The following KCNMA1 variants were observed in gnomAD, a reference collection of about 807,000 sequenced individuals.
KCNMA1 encodes the protein potassium calcium-activated channel subfamily M alpha 1.
Under a neutral mutation model 140.0 loss-of-function variants are expected in KCNMA1, and 29 were observed. That is an observed-to-expected ratio of 0.21 (90% CI 0.15 to 0.28). KCNMA1 has a LOEUF of 0.28. Among genes scored for constraint, KCNMA1 ranks in the 10% least tolerant of loss-of-function variants. KCNMA1 has a pLI of 1.00. For synonymous variants in KCNMA1, 612 were observed against 611.9 expected (o/e 1.00, Z 0.00); for missense variants, 880 against 1,602.2 (o/e 0.55, Z 7.70).
At chr10:77,065,468 T>C (rs989759985) in intron 14 of KCNMA1, among the ~76,000 whole-genome samples, 1 of 152,226 alleles carries the variant, frequency 6.6e-6, no homozygotes, top group African/African-American at 2.4e-5. Flanking sequence ...AGAACTTGTA[T>C]GAGCTTAGTT....
At chr10:77,443,124 A>G (rs2097444887) in intron 1 of KCNMA1, among the ~76,000 whole-genome samples, 3 of 152,226 alleles carry the variant, frequency 2.0e-5, no homozygotes, top group Admixed American at 6.5e-5. Flanking sequence ...GAAAAAGCCC[A>G]TGGGGGCCAC....
chr10:77,253,856 A>G (rs558099080), intron 2 of KCNMA1, among the ~76,000 whole-genome samples: 1 of 152,264 alleles, frequency 6.6e-6, no homozygotes, highest in East Asian at 1.9e-4. Flanking sequence ...GAAACTTGCT[A>G]AATGCCTCTT....
chr10:77,159,154 C>T (rs982608111), intron 5 of KCNMA1, among the ~76,000 whole-genome samples: 4 of 152,140 alleles, frequency 2.6e-5, no homozygotes, highest in African/African-American at 9.7e-5. Flanking sequence ...ATTTTAGATG[C>T]TGCCATAAAC....
intron 3 of KCNMA1, among the ~76,000 whole-genome samples, chr10:77,188,724 T>A (rs1282895635): frequency 1.3e-5 from 2 of 152,168 alleles, no homozygotes; most frequent in Middle Eastern, 3.2e-3. Flanking sequence ...TACTTAGTCA[T>A]AGAATTTTCA....
At chr10:77,587,414 AAC>A (rs1398901408) in intron 1 of KCNMA1, among the ~76,000 whole-genome samples, 1 of 152,180 alleles carries the variant, frequency 6.6e-6, no homozygotes, top group Non-Finnish European at 1.5e-5. Context: ...ATACAAGCTA[AAC>A]CCTTTTCTAC....
chr10:77,109,233 T>C (rs2097262792), intron 8 of KCNMA1, among the ~76,000 whole-genome samples: 1 of 152,094 alleles, frequency 6.6e-6, no homozygotes. Context: ...TAGAAATGCT[T>C]GCGTGAATGT....
chr10:76,949,103 A>G (rs1351779674), intron 22 of KCNMA1, 39 bp downstream of exon 22: 1 of 1,442,340 alleles, frequency 6.9e-7, no homozygotes, highest in African/African-American at 1.4e-5. Flanking sequence ...TTGTGAATGA[A>G]AAGAAGAAAA....
chr10:76,989,550 C>T (rs545993577), intron 19 of KCNMA1, among the ~76,000 whole-genome samples: 1 of 152,252 alleles, frequency 6.6e-6, no homozygotes, highest in East Asian at 1.9e-4. Context: ...TCATTTTACA[C>T]ACAAATTTTG....
intron 23 of KCNMA1, among the ~76,000 whole-genome samples, chr10:76,941,018 G>GAAAGAAAGAAAGAAAGA (rs2061877247): frequency 5.2e-4 from 20 of 38,258 alleles, no homozygotes; most frequent in Middle Eastern, 0.01. Context: ...AGGAAGGAAG[G>GAAAGAAAGAAAGAAAGA]AAGAAAGAAA....
intron 2 of KCNMA1, among the ~76,000 whole-genome samples, chr10:77,373,250 TGA>T (rs1566362935): frequency 6.6e-6 from 1 of 152,188 alleles, no homozygotes; most frequent in African/African-American, 2.4e-5. Flanking sequence ...TAGATTTGTA[TGA>T]GTCACAATTT....
chr10:77,025,242 G>GTGTGTATATATATATATA (rs1436772387), intron 16 of KCNMA1, among the ~76,000 whole-genome samples: 2 of 42,768 alleles, frequency 4.7e-5, no homozygotes, highest in African/African-American at 7.6e-5. Context: ...GGGTGTGTGT[G>GTGTGTATATATATATATA]TATATATATA....
chr10:77,531,216 G>T (rs1379221224), intron 1 of KCNMA1, among the ~76,000 whole-genome samples: 3 of 152,214 alleles, frequency 2.0e-5, no homozygotes, highest in African/African-American at 7.2e-5. Context: ...CTTGTCTACA[G>T]CAGATGGGGG....
At chr10:77,461,776 T>C (rs1198311198) in intron 1 of KCNMA1, among the ~76,000 whole-genome samples, 1 of 152,214 alleles carries the variant, frequency 6.6e-6, no homozygotes, top group African/African-American at 2.4e-5. Flanking sequence ...TGACCCTGTG[T>C]GCTTTGTCTT....
chr10:77,636,477 C>A, intron 1 of KCNMA1: 1 of 1,536,194 alleles, frequency 6.5e-7, no homozygotes, highest in Non-Finnish European at 8.7e-7. Context: ...TCCAGCTCCG[C>A]GCTGCTGGTG....
At chr10:77,088,954 G>A (rs1665746335) in intron 10 of KCNMA1, among the ~76,000 whole-genome samples, 1 of 152,164 alleles carries the variant, frequency 6.6e-6, no homozygotes, top group South Asian at 2.1e-4. Context: ...GTCTCTAATG[G>A]TTGCATGTGT....
chr10:77,557,742 T>C (rs975605966), intron 1 of KCNMA1, among the ~76,000 whole-genome samples: 3 of 148,964 alleles, frequency 2.0e-5, no homozygotes, highest in African/African-American at 7.4e-5. Flanking sequence ...AACCTCCGCC[T>C]CCTGGGTTCA....
intron 1 of KCNMA1, 162 bp downstream of exon 1, chr10:77,637,103 T>C: frequency 2.3e-6 from 3 of 1,282,776 alleles, no homozygotes; most frequent in Non-Finnish European, 3.1e-6. Context: ...GCTGCCCCGA[T>C]CCGAGAGCAC....
At chr10:77,062,038 G>A (rs922216686) in intron 14 of KCNMA1, among the ~76,000 whole-genome samples, 1 of 152,172 alleles carries the variant, frequency 6.6e-6, no homozygotes, top group African/African-American at 2.4e-5. Context: ...AGGGAATTTG[G>A]GGGTATGGAA....
intron 1 of KCNMA1, among the ~76,000 whole-genome samples, chr10:77,404,706 C>A (rs1313595534): frequency 6.6e-6 from 1 of 152,164 alleles, no homozygotes; most frequent in East Asian, 1.9e-4. Context: ...AGCACCCCCA[C>A]TTTCCTTTAG....
Sources: gnomAD v4.1 joint callset for allele counts (sites outside exome capture counted in the v4.1 genomes callset) on GRCh38, gnomAD v4.1.1 for gene constraint, MANE v1.5 for transcripts, NCBI Gene and HGNC (gene_info 2026-07-23, HGNC 2026-07-21) for gene names.